The following CPLX2 variants were observed in gnomAD, a reference collection of about 807,000 sequenced individuals.
CPLX2 encodes the protein complexin 2.
In CPLX2, 5 loss-of-function variants were observed where a neutral mutation model predicts 16.3. The ratio of observed to expected loss-of-function variants is 0.31; its 90% CI spans 0.16 to 0.64. The LOEUF (loss-of-function observed/expected upper bound fraction) is 0.64. Ranked by LOEUF, CPLX2 falls within the 30% of genes least tolerant of loss-of-function variation. The pLI, the probability that CPLX2 is intolerant of heterozygous loss-of-function variation, is 0.79. For synonymous variants in CPLX2, 89 were observed against 73.2 expected (o/e 1.22, Z -1.10); for missense variants, 144 against 181.4 (o/e 0.79, Z 1.18).
intron 2 of CPLX2, among the ~76,000 whole-genome samples, chr5:175,829,644 T>G (rs955232937): frequency 2.0e-5 from 3 of 152,194 alleles, no homozygotes; most frequent in Non-Finnish European, 4.4e-5. Flanking sequence ...GGAATAAAAC[T>G]TCCGGCCACA....
Position 175,838,266 on chromosome 5 carries a change from C to CTTTT in CPLX2, c.-89+29214_-89+29217dup, listed in dbSNP as rs1156770920. On this transcript the variant is annotated intron_variant, in intron 2 of 4. Transcript: ENST00000359546. ...AGCTAGCATTTCTCACCCCTCCTGT[C>CTTTT]TTTTTTTTTTTTTTTTTTTGAGATG... Among the ~76,000 whole-genome samples the CTTTT allele has an allele frequency of 6.6e-3, 771 of 116,760 alleles. 26 individuals are homozygous for CTTTT. The highest frequency in any genetic ancestry group is 8.7e-3 in the Non-Finnish European group (509 of 58,214). 76.6% of individuals were successfully genotyped at this position (116,760 alleles called of 152,430 possible). A position where few individuals can be genotyped will look rare whatever the true frequency, so the allele number is the denominator to read the frequency against.
At chr5:175,828,336 C>T (rs958620559) in intron 2 of CPLX2, among the ~76,000 whole-genome samples, 2 of 152,030 alleles carry the variant, frequency 1.3e-5, no homozygotes, top group African/African-American at 4.8e-5. Context: ...ATGGTCTGGA[C>T]GAAAGAAGAC....
chr5:175,842,384 G>C (rs919736105), intron 2 of CPLX2, among the ~76,000 whole-genome samples: 1 of 152,196 alleles, frequency 6.6e-6, no homozygotes, highest in African/African-American at 2.4e-5. Context: ...TAAAGAAAAG[G>C]AAACCAGGGG....
At chr5:175,866,814 G>A (rs1759487618), upstream of CPLX2, among the ~76,000 whole-genome samples, 1 of 152,182 alleles carries the variant, frequency 6.6e-6, no homozygotes. Context: ...CATGGCTCCT[G>A]CCTGCAATCC....
chr5:175,811,586 C>T (rs1758313330), intron 2 of CPLX2, among the ~76,000 whole-genome samples: 1 of 152,034 alleles, frequency 6.6e-6, no homozygotes, highest in Admixed American at 6.6e-5. Context: ...CTTGAATTGA[C>T]TTGAGTTGTT....
At chr5:175,796,677 G>A (rs1374043356) in exon 1 of CPLX2, 1 of 152,484 alleles carries the variant, frequency 6.6e-6, no homozygotes, top group Admixed American at 6.5e-5. Flanking sequence ...GCCCAGGCAG[G>A]AGGGAGCGCC....
rs147714610 is a variant in CPLX2 at position 175,798,637 on chromosome 5, A to G, written c.-169+1853A>G. Among the ~76,000 whole-genome samples the G allele has an allele frequency of 5.1e-4, 77 of 152,330 alleles. 1 individual carries two copies. The highest frequency in any genetic ancestry group is 1.7e-3 in the African/African-American group (71 of 41,576). ...TCCTCAGGATGTGGACTGAAAGATG[A>G]GAGTGGAGAGAAAGGCTGGAGCCGG... On this transcript the variant is annotated intron_variant, in intron 1 of 4. Transcript: ENST00000359546.
rs116481735 is a variant in CPLX2 at position 175,807,120 on chromosome 5, C to A, written c.-168-1869C>A. On this transcript the variant is annotated intron_variant, in intron 1 of 4. Transcript: ENST00000359546. Reference sequence around the variant, plus strand: ...GCAAGTGCGTGCTCAACGGGCCCCTCGCCTGCACAGGAGAATGACTAGTGT... The same window carrying A: ...GCAAGTGCGTGCTCAACGGGCCCCTAGCCTGCACAGGAGAATGACTAGTGT... 9.4e-3 allele frequency among the ~76,000 whole-genome samples: 1,438 copies of A among 152,266 alleles called. 25 individuals are homozygous for A. Among genetic ancestry groups the A allele is most frequent in the African/African-American group, 0.034 (1,400 of 41,534 alleles).
At position 175,848,775 on chromosome 5, in the gene CPLX2, T is replaced by G. The variant is rs138043032; in HGVS notation, c.-88-29877T>G. On this transcript the variant is annotated intron_variant, in intron 2 of 4. Transcript: ENST00000359546. ...GAGGGGTTGCTTTGGGGAAGGGACATTCAAGCCAGAATGTGAATACCAAGA... is the reference window on the plus strand; with the variant it reads ...GAGGGGTTGCTTTGGGGAAGGGACAGTCAAGCCAGAATGTGAATACCAAGA... Among the ~76,000 whole-genome samples, 549 of 152,254 alleles carry G rather than the reference T, an allele frequency of 3.6e-3. 6 individuals carry two copies. The highest frequency in any genetic ancestry group is 0.013 in the African/African-American group (521 of 41,524).
intron 2 of CPLX2, among the ~76,000 whole-genome samples, chr5:175,831,152 A>C (rs1758729264): frequency 6.6e-6 from 1 of 151,814 alleles, no homozygotes; most frequent in Non-Finnish European, 1.5e-5. Context: ...TCCTGTGTGC[A>C]TGTGTGTGGG....
At chr5:175,877,012 C>G (rs959775097) in intron 1 of CPLX2, among the ~76,000 whole-genome samples, 1 of 152,252 alleles carries the variant, frequency 6.6e-6, no homozygotes, top group Non-Finnish European at 1.5e-5. Flanking sequence ...CAACGGCTGA[C>G]ATTTTATGAG....
At chr5:175,870,810 G>A (rs1303951386), upstream of CPLX2, among the ~76,000 whole-genome samples, 1 of 152,194 alleles carries the variant, frequency 6.6e-6, no homozygotes, top group African/African-American at 2.4e-5. Flanking sequence ...AGGGATTGGC[G>A]AGTGGCTTGC....
intron 2 of CPLX2, among the ~76,000 whole-genome samples, chr5:175,857,672 G>A (rs1174907628): frequency 2.6e-5 from 4 of 152,162 alleles, no homozygotes; most frequent in African/African-American, 9.7e-5. Context: ...CCTGAGGTAC[G>A]GATTCTACTG....
At chr5:175,815,080 C>T (rs1758382272) in intron 2 of CPLX2, among the ~76,000 whole-genome samples, 1 of 152,134 alleles carries the variant, frequency 6.6e-6, no homozygotes, top group Non-Finnish European at 1.5e-5. Flanking sequence ...CCAGGGAGTA[C>T]GAGGCACTGT....
At chr5:175,808,787 G>T (rs1210013350) in intron 1 of CPLX2, among the ~76,000 whole-genome samples, 1 of 152,240 alleles carries the variant, frequency 6.6e-6, no homozygotes, top group African/African-American at 2.4e-5. Flanking sequence ...ATCAGATTGG[G>T]TGAGGTGGGC....
At chr5:175,796,996 G>C (rs921478830) in intron 1 of CPLX2, among the ~76,000 whole-genome samples, 1 of 152,336 alleles carries the variant, frequency 6.6e-6, no homozygotes, top group East Asian at 1.9e-4. Context: ...GCACCATCTC[G>C]GGGACAGCTC....
At chr5:175,836,299 G>A (rs1006803226) in intron 2 of CPLX2, among the ~76,000 whole-genome samples, 7 of 152,146 alleles carry the variant, frequency 4.6e-5, no homozygotes, top group Non-Finnish European at 7.4e-5. Context: ...GCAGTGAGCC[G>A]AGATCGTGCC....
At chr5:175,871,433 CAGAGAGAGAGAGAG>C (rs1224968162), upstream of CPLX2, 36 of 27,530 alleles carry the variant, frequency 1.3e-3, no homozygotes, top group Admixed American at 3.3e-3. Context: ...GAGAGAGAGA[CAGAGAGAGAGAGAG>C]AGAGAGAGAG....
intron 2 of CPLX2, among the ~76,000 whole-genome samples, chr5:175,854,621 T>C (rs914469814): frequency 3.3e-5 from 5 of 152,138 alleles, no homozygotes; most frequent in African/African-American, 9.7e-5. Context: ...TTATTAGCAC[T>C]ACTCAAGGCA....
Sources: gnomAD v4.1 joint callset for allele counts (sites outside exome capture counted in the v4.1 genomes callset) on GRCh38, gnomAD v4.1.1 for gene constraint, MANE v1.5 for transcripts, NCBI Gene and HGNC (gene_info 2026-07-23, HGNC 2026-07-21) for gene names.